Variants in NSMCE2 observed in about 807,000 individuals in gnomAD.
The protein encoded by NSMCE2 is E3 SUMO-protein ligase NSE2.
Under a neutral mutation model 23.8 loss-of-function variants are expected in NSMCE2, and 24 were observed. That is an observed-to-expected ratio of 1.01 (90% CI 0.73 to 1.42). NSMCE2 has a LOEUF of 1.42. NSMCE2 is among the 40% of genes most tolerant of loss of function. The probability of loss-of-function intolerance (pLI) is 0.00; values close to 1 mark genes in which losing one functional copy is unlikely to be tolerated. For missense variants in NSMCE2, 284 were observed against 296.5 expected, an observed-to-expected ratio of 0.96 and a Z score of 0.31; for synonymous variants, 92 against 94.1, an observed-to-expected ratio of 0.98 and a Z score of 0.13.
chr8:125,140,417 C>A (rs1820301343), intron 3 of NSMCE2, among the ~76,000 whole-genome samples: 1 of 152,172 alleles, frequency 6.6e-6, no homozygotes, highest in South Asian at 2.1e-4. Flanking sequence ...AATCCCAGCA[C>A]TTTGGGAGGC....
intron 1 of NSMCE2, among the ~76,000 whole-genome samples, chr8:125,097,680 A>G (rs2130326476): frequency 6.6e-6 from 1 of 152,102 alleles, no homozygotes; most frequent in Admixed American, 6.5e-5. Context: ...TTTCAACTTC[A>G]TAGTACTTGG....
At chr8:125,103,134 G>A (rs184042574) in intron 3 of NSMCE2, among the ~76,000 whole-genome samples, 8 of 152,076 alleles carry the variant, frequency 5.3e-5, no homozygotes, top group Non-Finnish European at 8.8e-5. Flanking sequence ...GTGAAACCCC[G>A]TCTCTACTAA....
At chr8:125,147,183 C>T (rs970416951) in intron 3 of NSMCE2, among the ~76,000 whole-genome samples, 1 of 152,124 alleles carries the variant, frequency 6.6e-6, no homozygotes, top group African/African-American at 2.4e-5. Flanking sequence ...AGTGCTGGTG[C>T]CATCTCTTTT....
rs533586870 is a variant in NSMCE2 at position 125,122,437 on chromosome 8, A to G, written c.157+19950A>G. 3.1e-3 allele frequency among the ~76,000 whole-genome samples: 469 copies of G among 152,286 alleles called. 3 individuals carry two copies. The highest frequency in any genetic ancestry group is 0.011 in the African/African-American group (450 of 41,564). ...CTTGAGCATAACTTACAGAAGGTGC[A>G]TGATGTCACTGGCTATATCCCCTTA... On this transcript the variant is annotated intron_variant, in intron 3 of 7. Coordinates refer to ENST00000287437, the MANE Select transcript of NSMCE2 (RefSeq NM_173685.4).
At chr8:125,170,048 A>G (rs1375898762) in intron 4 of NSMCE2, among the ~76,000 whole-genome samples, 1 of 151,878 alleles carries the variant, frequency 6.6e-6, no homozygotes, top group Non-Finnish European at 1.5e-5. Context: ...GATTACTCTC[A>G]TGTGCTCTCA....
chr8:125,186,354 C>T (rs1364356699), intron 5 of NSMCE2, among the ~76,000 whole-genome samples: 1 of 152,086 alleles, frequency 6.6e-6, no homozygotes, highest in Non-Finnish European at 1.5e-5. Flanking sequence ...TGTTTACTGA[C>T]CCTTGATCTA....
chr8:125,214,189 T>C (rs540406119), intron 5 of NSMCE2, among the ~76,000 whole-genome samples: 1 of 152,288 alleles, frequency 6.6e-6, no homozygotes, highest in South Asian at 2.1e-4. Context: ...ACCAGGTTGG[T>C]AGGCAAAATT....
intron 5 of NSMCE2, among the ~76,000 whole-genome samples, chr8:125,356,362 C>T (rs1813282288): frequency 7.7e-6 from 1 of 129,218 alleles, no homozygotes; most frequent in Non-Finnish European, 1.6e-5. Context: ...CAGAGTCTCG[C>T]TCTGTCACCA....
At chr8:125,217,196 G>C (rs1229478566) in intron 5 of NSMCE2, among the ~76,000 whole-genome samples, 1 of 152,130 alleles carries the variant, frequency 6.6e-6, no homozygotes, top group African/African-American at 2.4e-5. Flanking sequence ...TGTTTTGAAA[G>C]ATCCTGTCTA....
intron 5 of NSMCE2, among the ~76,000 whole-genome samples, chr8:125,205,796 T>C (rs1378190144): frequency 6.6e-6 from 1 of 152,206 alleles, no homozygotes; most frequent in Non-Finnish European, 1.5e-5. Context: ...AGGTTGTAAA[T>C]ACCAGTATCG....
chr8:125,241,843 C>T (rs930861524), intron 5 of NSMCE2, among the ~76,000 whole-genome samples: 6 of 152,192 alleles, frequency 3.9e-5, no homozygotes, highest in Non-Finnish European at 5.9e-5. Context: ...ATGTGTTAGG[C>T]ATTCTGTTAG....
chr8:125,250,289 T>G (rs1290060317), intron 5 of NSMCE2, among the ~76,000 whole-genome samples: 1 of 152,104 alleles, frequency 6.6e-6, no homozygotes, highest in African/African-American at 2.4e-5. Context: ...ATATGTATTA[T>G]TTTTGGTATG....
intron 5 of NSMCE2, among the ~76,000 whole-genome samples, chr8:125,272,656 T>C (rs376902112): frequency 7.1e-5 from 9 of 127,504 alleles, no homozygotes; most frequent in East Asian, 2.0e-4. Context: ...AAAACAGTTA[T>C]AGAAATTGCC....
chr8:125,267,027 C>T (rs574021678), intron 5 of NSMCE2, among the ~76,000 whole-genome samples: 4 of 98,816 alleles, frequency 4.0e-5, no homozygotes, highest in South Asian at 3.3e-4. Flanking sequence ...TTTTTTGAGA[C>T]AGAGTCTTGC....
At chr8:125,276,500 A>G (rs1827454331) in intron 5 of NSMCE2, among the ~76,000 whole-genome samples, 1 of 152,156 alleles carries the variant, frequency 6.6e-6, no homozygotes, top group Admixed American at 6.6e-5. Flanking sequence ...CCTTCCTCCT[A>G]TCACTGATTG....
intron 5 of NSMCE2, among the ~76,000 whole-genome samples, chr8:125,356,452 C>A (rs1308397058): frequency 6.6e-6 from 1 of 151,302 alleles, no homozygotes; most frequent in Admixed American, 6.6e-5. Context: ...CCCTAGCCTC[C>A]CAAATAGCTG....
In NSMCE2 at chr8:125,344,962, A is replaced by G. The variant is rs868293382; in HGVS notation, c.419-12257A>G. The stretch of plus-strand genomic sequence containing the variant: ...GTCTTTCAGATATCTATACTTCTCC[A>G]ATGTTTCTCTATTATAAAAACAACA... On this transcript the variant is annotated intron_variant, in intron 5 of 7. Coordinates refer to ENST00000287437, the MANE Select transcript of NSMCE2 (RefSeq NM_173685.4). Among the ~76,000 whole-genome samples, 14 of 152,010 alleles carry G rather than the reference A, an allele frequency of 9.2e-5. No homozygotes were observed. In the South Asian group the frequency reaches 1.2e-3, roughly 14 times the overall value.
intron 4 of NSMCE2, among the ~76,000 whole-genome samples, chr8:125,179,420 AT>A (rs1260239435): frequency 1.3e-5 from 2 of 152,080 alleles, no homozygotes; most frequent in African/African-American, 2.4e-5. Flanking sequence ...TAGCCACTCA[AT>A]TTTTTTTCCT....
At position 125,301,516 on chromosome 8, in the gene NSMCE2, T is replaced by C. The variant is rs144293849; in HGVS notation, c.419-55703T>C. ...ATTAAGTGAACTTATTCACCGAAAG[T>C]ACTTGGAAGACTTTCTTGTTAGTTG... On this transcript the variant is annotated intron_variant, in intron 5 of 7. Coordinates refer to ENST00000287437, the MANE Select transcript of NSMCE2 (RefSeq NM_173685.4). Among the ~76,000 whole-genome samples, 458 of 152,226 alleles carry C rather than the reference T, an allele frequency of 3.0e-3. 2 individuals are homozygous for C. Among genetic ancestry groups the C allele is most frequent in the Admixed American group, 8.0e-3 (122 of 15,286 alleles).
Sources: gnomAD v4.1 joint callset for allele counts (sites outside exome capture counted in the v4.1 genomes callset) on GRCh38, gnomAD v4.1.1 for gene constraint, MANE v1.5 for transcripts, NCBI Gene and HGNC (gene_info 2026-07-23, HGNC 2026-07-21) for gene names.